KDM7A: variants seen among roughly 807,000 people sequenced by gnomAD.
The protein encoded by KDM7A is lysine-specific demethylase 7A.
Under a neutral mutation model 114.8 loss-of-function variants are expected in KDM7A, and 28 were observed. The ratio of observed to expected loss-of-function variants is 0.24; its 90% CI spans 0.18 to 0.33. The LOEUF is 0.33. Among genes scored for constraint, KDM7A ranks in the 10% least tolerant of loss-of-function variants. The pLI, the probability that KDM7A is intolerant of heterozygous loss-of-function variation, is 1.00. For missense variants in KDM7A, 942 were observed against 1,142.5 expected, an observed-to-expected ratio of 0.82 and a Z score of 2.53; for synonymous variants, 423 against 397.8, an observed-to-expected ratio of 1.06 and a Z score of -0.75.
At chr7:140,171,396 G>A (rs570186936) in intron 1 of KDM7A, among the ~76,000 whole-genome samples, 1 of 151,116 alleles carries the variant, frequency 6.6e-6, no homozygotes, top group South Asian at 2.1e-4. Context: ...TTGAACCTGG[G>A]AGACAGAGGT....
At chr7:140,126,946 T>TA (rs1818714979) in intron 5 of KDM7A, 123 bp from the exon 6 acceptor site, 1 of 717,612 alleles carries the variant, frequency 1.4e-6, no homozygotes, top group Admixed American at 2.7e-5. Context: ...CAACAACACT[T>TA]AAAAGTTTAA....
chr7:140,121,952 G>A (rs1818623755), intron 7 of KDM7A, among the ~76,000 whole-genome samples: 1 of 152,118 alleles, frequency 6.6e-6, no homozygotes, highest in Non-Finnish European at 1.5e-5. Flanking sequence ...TACAGCAGTG[G>A]TTCTCCAAAT....
At chr7:140,136,540 TTTAAG>T (rs1324230903) in intron 2 of KDM7A, among the ~76,000 whole-genome samples, 2 of 152,216 alleles carry the variant, frequency 1.3e-5, no homozygotes, top group Admixed American at 6.5e-5. Flanking sequence ...AGAATACATA[TTTAAG>T]TTATTTGTGG....
rs1001899253 is a variant in KDM7A at position 140,142,685 on chromosome 7, A to G, written c.195-3495T>C. Among the ~76,000 whole-genome samples the G allele has an allele frequency of 6.3e-4, 96 of 152,162 alleles. 1 individual carries two copies. Among genetic ancestry groups the G allele is most frequent in the African/African-American group, 2.3e-3 (94 of 41,430 alleles). On this transcript the variant is annotated intron_variant, in intron 1 of 19. Coordinates refer to ENST00000397560, the MANE Select transcript of KDM7A (RefSeq NM_030647.2). ...TCTGATACAGCCATTGTGGAAAACA[A>G]TTCTGCACTAAAACTGAAGAATCAA...
chr7:140,090,483 TA>T lies in KDM7A; in HGVS notation c.*610del, dbSNP rs1818000289. On this transcript the variant is annotated 3_prime_UTR_variant, in exon 20 of 20. Coordinates refer to ENST00000397560, the MANE Select transcript of KDM7A (RefSeq NM_030647.2). Reference sequence around the variant, plus strand: ...GCTTATAAAAAACACATGAAATATATAAAATAAAATGATTTTCATATACATC... The same window carrying T: ...GCTTATAAAAAACACATGAAATATATAAATAAAATGATTTTCATATACATC... 6.6e-6 allele frequency: 1 copy of T among 152,154 alleles called. No individual in the cohort carries two copies. The allele number at this position is 152,154 out of a possible 1,614,324, so 9.4% of individuals were successfully genotyped here.
intron 2 of KDM7A, among the ~76,000 whole-genome samples, chr7:140,136,960 C>G (rs1818880621): frequency 6.6e-6 from 1 of 151,674 alleles, no homozygotes; most frequent in Non-Finnish European, 1.5e-5. Flanking sequence ...GCACTCCAGC[C>G]TGGGCGACAG....
In KDM7A at chr7:140,129,741, C is replaced by A. The variant is rs575882997; in HGVS notation, c.399-88G>T. 2.0e-4 allele frequency: 150 copies of A among 747,746 alleles called. 2 individuals carry two copies. The East Asian group carries it at 3.7e-3, about 18-fold the overall frequency. 46.3% of individuals were successfully genotyped at this position (747,746 alleles called of 1,614,324 possible). On this transcript the variant is annotated intron_variant, in intron 3 of 19. Coordinates refer to ENST00000397560, the MANE Select transcript of KDM7A (RefSeq NM_030647.2). Reference sequence around the variant, plus strand: ...CGGTAGTGATGGGTTAATTCATATACTGGATTATCTATATCAGTGGTTCTT... The same window carrying A: ...CGGTAGTGATGGGTTAATTCATATAATGGATTATCTATATCAGTGGTTCTT...
intron 3 of KDM7A, among the ~76,000 whole-genome samples, chr7:140,132,734 TTA>T (rs1562954615): frequency 6.6e-6 from 1 of 152,222 alleles, no homozygotes; most frequent in Admixed American, 6.5e-5. Flanking sequence ...ATACTTACCA[TTA>T]TATGTTTCTG....
At chr7:140,140,088 T>A (rs2116821835) in intron 1 of KDM7A, among the ~76,000 whole-genome samples, 1 of 152,252 alleles carries the variant, frequency 6.6e-6, no homozygotes, top group South Asian at 2.1e-4. Context: ...TTATATCAAA[T>A]TTACTCCAGA....
intron 1 of KDM7A, among the ~76,000 whole-genome samples, chr7:140,141,648 C>A (rs980312509): frequency 1.3e-5 from 2 of 152,078 alleles, no homozygotes; most frequent in Admixed American, 1.3e-4. Flanking sequence ...AATCCCAGCA[C>A]TCTGGGAGGC....
chr7:140,141,244 T>C (rs954484793), intron 1 of KDM7A, among the ~76,000 whole-genome samples: 4 of 152,224 alleles, frequency 2.6e-5, no homozygotes, highest in African/African-American at 4.8e-5. Context: ...ATAGATTCAA[T>C]TTAATTCCAA....
intron 1 of KDM7A, among the ~76,000 whole-genome samples, chr7:140,169,233 A>T (rs1277141860): frequency 6.6e-6 from 1 of 152,210 alleles, no homozygotes; most frequent in African/African-American, 2.4e-5. Flanking sequence ...CTACAGTAAT[A>T]AAATGTAATT....
intron 1 of KDM7A, among the ~76,000 whole-genome samples, chr7:140,160,859 T>C (rs779472096): frequency 3.3e-5 from 5 of 152,034 alleles, no homozygotes; most frequent in African/African-American, 7.2e-5. Flanking sequence ...ATTTGGATGG[T>C]TGGAAAAGCA....
intron 2 of KDM7A, among the ~76,000 whole-genome samples, chr7:140,135,212 T>C (rs1051571923): frequency 2.0e-5 from 3 of 150,978 alleles, no homozygotes; most frequent in African/African-American, 7.3e-5. Context: ...CTCCTTTTTT[T>C]TTTTTTTTTT....
At chr7:140,091,708 T>C in intron 19 of KDM7A, 96 bp downstream of exon 19, 1 of 1,341,306 alleles carries the variant, frequency 7.5e-7, no homozygotes, top group Admixed American at 1.9e-5. Context: ...GCATGAGATG[T>C]TGAACAACTT....
intron 2 of KDM7A, among the ~76,000 whole-genome samples, chr7:140,136,327 CT>C (rs1818869826): frequency 6.6e-6 from 1 of 152,200 alleles, no homozygotes; most frequent in South Asian, 2.1e-4. Flanking sequence ...CTATCATTTC[CT>C]TTTAAATGTG....
At position 140,127,385 on chromosome 7, in the gene KDM7A, T is replaced by TACA. The variant is rs1491204812; in HGVS notation, c.701+54_701+56dup. On this transcript the variant is annotated intron_variant, in intron 5 of 19. Transcript: ENST00000397560. Reference sequence around the variant, plus strand: ...TTTCTTCCTAAAATAAATACATCATTACACTACATTTAGCTAACACTCAGA... The same window carrying TACA: ...TTTCTTCCTAAAATAAATACATCATTACAACACTACATTTAGCTAACACTCAGA... 8 of 1,417,592 alleles carry TACA rather than the reference T, an allele frequency of 5.6e-6. No individual in the cohort carries two copies. The East Asian group carries it at 1.8e-4, about 32-fold the overall frequency. 87.8% of individuals were successfully genotyped at this position (1,417,592 alleles called of 1,614,324 possible).
intron 3 of KDM7A, 32 bp downstream of exon 3, chr7:140,133,507 A>G: frequency 8.2e-7 from 1 of 1,223,370 alleles, no homozygotes. Flanking sequence ...TTACATTCTT[A>G]CATTTTCTTT....
At position 140,127,479 on chromosome 7, in the gene KDM7A, C is replaced by T; in HGVS notation, c.664G>A (p.Val222Met). The change falls in exon 5 of 20, where the codon GTG (valine) becomes ATG (methionine). Residue 222 changes from valine to methionine, a missense_variant. Transcript: ENST00000397560. ...KYFMNPNRPK[V>M]LNVISLEFSD... is the part of the protein sequence containing the mutation. ...AATTCAAGGCTGATCACATTTAACA[C>T]TTTTGGTCTGTTAGGATTCATGAAG... The T allele has an allele frequency of 1.2e-6, 2 of 1,613,808 alleles. No individual in the cohort carries two copies. Among genetic ancestry groups the T allele is most frequent in the Non-Finnish European group, 1.7e-6 (2 of 1,179,854 alleles).
Sources: gnomAD v4.1 joint callset for allele counts (sites outside exome capture counted in the v4.1 genomes callset) on GRCh38, gnomAD v4.1.1 for gene constraint, MANE v1.5 for transcripts, NCBI Gene and HGNC (gene_info 2026-07-23, HGNC 2026-07-21) for gene names.